Variants in EPHX1 observed in about 807,000 individuals in gnomAD.
EPHX1 encodes epoxide hydratase.
EPHX1 carries 40 observed loss-of-function variants against 43.2 expected under a neutral mutation model. That is an observed-to-expected ratio of 0.93 (90% CI 0.72 to 1.21). EPHX1 has a LOEUF of 1.21. Ranked by LOEUF, EPHX1 falls within the 50% of genes most tolerant of loss-of-function variation. EPHX1 has a pLI of 0.00. For synonymous variants in EPHX1, 221 were observed against 226.7 expected (o/e 0.98, Z 0.22); for missense variants, 550 against 570.4 (o/e 0.96, Z 0.36).
chr1:225,819,302 G>T (rs1321951270), intron 1 of EPHX1, among the ~76,000 whole-genome samples: 1 of 151,482 alleles, frequency 6.6e-6, no homozygotes, highest in Non-Finnish European at 1.5e-5. Context: ...CTACTCAGGA[G>T]ACTGAGGCAG....
intron 3 of EPHX1, among the ~76,000 whole-genome samples, chr1:225,835,972 G>A (rs1667942084): frequency 6.6e-6 from 1 of 152,160 alleles, no homozygotes; most frequent in Admixed American, 6.5e-5. Context: ...CGGGGCTGGA[G>A]GCCTGTTCTT....
intron 1 of EPHX1, among the ~76,000 whole-genome samples, chr1:225,815,976 G>T (rs1666706677): frequency 6.6e-6 from 1 of 152,200 alleles, no homozygotes; most frequent in South Asian, 2.1e-4. Context: ...TGGAATAGGA[G>T]CCTCTCTCCA....
chr1:225,837,833 C>T (rs1668051013), intron 3 of EPHX1, among the ~76,000 whole-genome samples: 1 of 152,092 alleles, frequency 6.6e-6, no homozygotes, highest in African/African-American at 2.4e-5. Context: ...AAATACTCCA[C>T]TTTAAAGAAA....
In EPHX1 at chr1:225,842,440, G is replaced by C. The variant is rs1287553353; in HGVS notation, c.1006G>C (p.Glu336Gln). ...GAAGTTTTCCACCTGGACCAATACGGAATTCCGATACCTGGAGGATGGAGG... is the reference window on the plus strand; with the variant it reads ...GAAGTTTTCCACCTGGACCAATACGCAATTCCGATACCTGGAGGATGGAGG... ...LEKFSTWTNT[E>Q]FRYLEDGGLE... is the part of the protein sequence containing the mutation. The change falls in exon 7 of 9, where the codon GAA becomes CAA. Residue 336 changes from glutamate (E) to glutamine (Q), a missense_variant. Transcript: ENST00000272167. The C allele has an allele frequency of 1.2e-6, 2 of 1,614,056 alleles. No individual in the cohort carries two copies. The highest frequency in any genetic ancestry group is 2.7e-5 in the African/African-American group (2 of 75,070).
At chr1:225,811,875 G>C (rs555330980) in intron 1 of EPHX1, among the ~76,000 whole-genome samples, 4 of 152,304 alleles carry the variant, frequency 2.6e-5, no homozygotes, top group Admixed American at 1.3e-4. Context: ...TGCCCTCGTG[G>C]GATTTGCAGT....
At chr1:225,830,317 C>A (rs527718357) in intron 2 of EPHX1, among the ~76,000 whole-genome samples, 6 of 152,174 alleles carry the variant, frequency 3.9e-5, no homozygotes, top group Non-Finnish European at 8.8e-5. Context: ...TTTCCAAAAT[C>A]TGTTTGGGGG....
chr1:225,811,296 A>AT, intron 1 of EPHX1, among the ~76,000 whole-genome samples: 1 of 151,562 alleles, frequency 6.6e-6, no homozygotes, highest in Non-Finnish European at 1.5e-5. Context: ...TGTAATCCTA[A>AT]TTTTGACTTT....
intron 6 of EPHX1, among the ~76,000 whole-genome samples, chr1:225,840,381 CAGGGGAG>C (rs976272747): frequency 1.3e-5 from 2 of 152,062 alleles, no homozygotes; most frequent in African/African-American, 2.4e-5. Flanking sequence ...TCTGGGGCTG[CAGGGGAG>C]AGGGGAGAGG....
chr1:225,844,637 AGCCGAGAACAGGG>A lies in EPHX1; in HGVS notation c.1166+18_1166+30del, dbSNP rs775007427. 8.1e-6 allele frequency: 13 copies of A among 1,613,660 alleles called. No homozygotes were observed. In the Admixed American group the frequency reaches 2.2e-4, roughly 27 times the overall value. On this transcript the variant is annotated intron_variant, in intron 8 of 8. Transcript: ENST00000272167. The stretch of plus-strand genomic sequence containing the variant: ...GAAGCATGAGCGGTGAGCCTGGCTG[AGCCGAGAACAGGG>A]GCCTCTGAGGCTGGAGGCAGGGGGA...
Position 225,815,146 on chromosome 1 carries a change from C to G in EPHX1, c.-6+4977C>G, listed in dbSNP as rs1326088170. ...CAGGTGGAAGAAGCAACCCTGCCCT[C>G]TTCCGGTTCCATGTGTGCCTCACTG... On this transcript the variant is annotated intron_variant, in intron 1 of 8. Coordinates refer to ENST00000272167, the MANE Select transcript of EPHX1 (RefSeq NM_001136018.4). 3.6e-5 allele frequency among the ~76,000 whole-genome samples: 3 copies of G among 84,338 alleles called. 1 individual carries two copies. Among genetic ancestry groups the G allele is most frequent in the Non-Finnish European group, 9.4e-5 (3 of 31,986 alleles). 55.3% of individuals were successfully genotyped at this position (84,338 alleles called of 152,430 possible).
Position 225,845,404 on chromosome 1 carries a change from T to C in EPHX1, c.*57T>C. Reference sequence around the variant, plus strand: ...CCCACAAGTGCCCTCCAGGCTTTTCTTGGGGAAGATACCCCTTTTCTGAGG... The same window carrying C: ...CCCACAAGTGCCCTCCAGGCTTTTCCTGGGGAAGATACCCCTTTTCTGAGG... On this transcript the variant is annotated 3_prime_UTR_variant, in exon 9 of 9. Transcript: ENST00000272167. 1 of 1,490,924 alleles carries C rather than the reference T, an allele frequency of 6.7e-7. No homozygotes were observed. Among genetic ancestry groups the C allele is most frequent in the Non-Finnish European group, 9.0e-7 (1 of 1,114,886 alleles). The allele number at this position is 1,490,924 out of a possible 1,614,324, so 92.4% of individuals were successfully genotyped here.
At chr1:225,839,126 C>A in intron 4 of EPHX1, 91 bp from the exon 5 acceptor site, 6 of 1,592,436 alleles carry the variant, frequency 3.8e-6, no homozygotes, top group Admixed American at 3.4e-5. Context: ...TGGGGGTAGG[C>A]GGGCCTGAGA....
In EPHX1 at chr1:225,840,169, T is replaced by C. The variant is rs549799799; in HGVS notation, c.931+132T>C. 29 of 817,714 alleles carry C rather than the reference T, an allele frequency of 3.5e-5. No individual in the cohort carries two copies. The African/African-American group carries it at 3.7e-4, about 10-fold the overall frequency. The allele number at this position is 817,714 out of a possible 1,614,324, so 50.7% of individuals were successfully genotyped here. On this transcript the variant is annotated intron_variant, in intron 6 of 8. Transcript: ENST00000272167. ...CTCTTGTAAGGACCTCCCAGCTCTT[T>C]AGATCTTTAAACTGCATTTTCCCAT... is the stretch of plus-strand genomic sequence containing the variant.
intron 6 of EPHX1, among the ~76,000 whole-genome samples, chr1:225,841,805 T>C (rs894081086): frequency 1.3e-5 from 2 of 152,034 alleles, no homozygotes; most frequent in African/African-American, 2.4e-5. Flanking sequence ...GGTTTCACCA[T>C]GTCAGCCAGG....
In EPHX1 at chr1:225,831,932, T is replaced by C. The variant is rs1051740; in HGVS notation, c.337T>C (p.Tyr113His). The C allele has an allele frequency of 0.3, 489,674 of 1,613,706 alleles. 76,258 individuals carry two copies. The highest frequency in any genetic ancestry group is 0.44 in the East Asian group (19,783 of 44,864). ...WKKQVEILNRYPHFKTKIEGL... is the reference protein window; with the variant it reads ...WKKQVEILNRHPHFKTKIEGL... ...GAAGCAGGTGGAGATTCTCAACAGA[T>C]ACCCTCACTTCAAGACTAAGATTGA... The change falls in exon 3 of 9, where the codon TAC becomes CAC. Residue 113 changes from tyrosine (Y) to histidine (H), a missense_variant. Transcript: ENST00000272167.
chr1:225,822,156 T>G (rs1214053226), intron 1 of EPHX1, among the ~76,000 whole-genome samples: 1 of 152,208 alleles, frequency 6.6e-6, no homozygotes, highest in African/African-American at 2.4e-5. Flanking sequence ...TTTCTTACAG[T>G]AGGAGCCAAA....
intron 1 of EPHX1, among the ~76,000 whole-genome samples, chr1:225,811,515 G>A (rs1666484508): frequency 6.6e-6 from 1 of 152,206 alleles, no homozygotes; most frequent in Non-Finnish European, 1.5e-5. Flanking sequence ...GGATTGATGA[G>A]CTGTTGGTGG....
chr1:225,816,638 C>T (rs1347245805), intron 1 of EPHX1, among the ~76,000 whole-genome samples: 2 of 152,190 alleles, frequency 1.3e-5, no homozygotes, highest in Admixed American at 6.5e-5. Context: ...GTCCCCTCTC[C>T]GAAGGTGCAC....
intron 1 of EPHX1, among the ~76,000 whole-genome samples, chr1:225,813,553 G>T (rs1025369710): frequency 3.3e-5 from 5 of 152,236 alleles, no homozygotes; most frequent in Admixed American, 2.0e-4. Flanking sequence ...CCAATCCTCC[G>T]TTATATAACT....
Sources: gnomAD v4.1 joint callset for allele counts (sites outside exome capture counted in the v4.1 genomes callset) on GRCh38, gnomAD v4.1.1 for gene constraint, MANE v1.5 for transcripts, NCBI Gene and HGNC (gene_info 2026-07-23, HGNC 2026-07-21) for gene names.